SLIT3: variants seen among roughly 807,000 people sequenced by gnomAD.
SLIT3 encodes slit homolog 3 protein.
In SLIT3, 68 loss-of-function variants were observed where a neutral mutation model predicts 184.0. The observed-to-expected ratio is 0.37, with a 90% CI of 0.30 to 0.45. The LOEUF (loss-of-function observed/expected upper bound fraction) is 0.45, where lower values mean the gene tolerates loss of function less well. SLIT3 is among the 20% of genes least tolerant of loss of function. SLIT3 has a pLI of 1.00. For missense variants in SLIT3, 1,707 were observed against 2,026.0 expected, an observed-to-expected ratio of 0.84 and a Z score of 3.02; for synonymous variants, 831 against 828.6, an observed-to-expected ratio of 1.00 and a Z score of -0.05.
intron 23 of SLIT3, among the ~76,000 whole-genome samples, chr5:168,721,356 T>C (rs1350729505): frequency 6.6e-6 from 1 of 152,336 alleles, no homozygotes; most frequent in South Asian, 2.1e-4. Context: ...ATAAGAATAA[T>C]AACAAGTGAA....
At chr5:169,107,862 T>A (rs1408212136) in intron 4 of SLIT3, among the ~76,000 whole-genome samples, 1 of 152,186 alleles carries the variant, frequency 6.6e-6, no homozygotes, top group Non-Finnish European at 1.5e-5. Flanking sequence ...TTGGCTAACT[T>A]TCTTCTTCCT....
intron 4 of SLIT3, among the ~76,000 whole-genome samples, chr5:169,184,717 A>G (rs1207859800): frequency 6.6e-6 from 1 of 152,166 alleles, no homozygotes; most frequent in Non-Finnish European, 1.5e-5. Context: ...TTGTTTCTAT[A>G]TGCTAAGTTT....
intron 4 of SLIT3, among the ~76,000 whole-genome samples, chr5:169,078,652 A>T (rs536351375): frequency 3.4e-4 from 52 of 152,292 alleles, no homozygotes; most frequent in African/African-American, 1.2e-3. Context: ...TATGTCTAAA[A>T]TCAGAAAAAA....
chr5:169,254,504 C>T lies in SLIT3; in HGVS notation c.198-3045G>A, dbSNP rs79525469. Among the ~76,000 whole-genome samples the T allele has an allele frequency of 4.6e-3, 695 of 151,844 alleles. 27 individuals are homozygous for T. In the East Asian group the frequency reaches 0.1, roughly 22 times the overall value. On this transcript the variant is annotated intron_variant, in intron 1 of 35. Coordinates refer to ENST00000519560, the MANE Select transcript of SLIT3 (RefSeq NM_003062.4). The stretch of plus-strand genomic sequence containing the variant: ...TCTTTCTTTTTTTTTTTTAAATACA[C>T]TTGCTATCAAGAGATGGTGTCTATG...
chr5:168,671,165 C>G, intron 34 of SLIT3, 33 bp downstream of exon 34: 1 of 1,588,508 alleles, frequency 6.3e-7, no homozygotes, highest in Non-Finnish European at 8.6e-7. Flanking sequence ...TCTGGGAGCT[C>G]GAGCACACAG....
chr5:168,685,557 T>C, intron 31 of SLIT3, 130 bp downstream of exon 31: 1 of 1,231,892 alleles, frequency 8.1e-7, no homozygotes, highest in South Asian at 1.7e-5. Context: ...TTGGTCCAGA[T>C]GTCCTCAAGC....
At chr5:169,104,658 C>G (rs1760136805) in intron 4 of SLIT3, among the ~76,000 whole-genome samples, 1 of 152,078 alleles carries the variant, frequency 6.6e-6, no homozygotes, top group African/African-American at 2.4e-5. Flanking sequence ...TGGTCATGAG[C>G]TTTGGTGATT....
At chr5:168,996,060 A>G (rs1350295067) in intron 4 of SLIT3, among the ~76,000 whole-genome samples, 1 of 152,198 alleles carries the variant, frequency 6.6e-6, no homozygotes, top group Non-Finnish European at 1.5e-5. Context: ...CCACCATAGC[A>G]CTTAGCACGG....
At chr5:168,922,456 CAAAAAAAAAA>C (rs34132541) in intron 4 of SLIT3, among the ~76,000 whole-genome samples, 1 of 82,230 alleles carries the variant, frequency 1.2e-5, no homozygotes, top group Non-Finnish European at 2.3e-5. Flanking sequence ...GACTCTGTCT[CAAAAAAAAAA>C]AAAAAAAAAA....
intron 8 of SLIT3, among the ~76,000 whole-genome samples, chr5:168,807,052 T>C (rs373819460): frequency 1.3e-5 from 2 of 152,314 alleles, no homozygotes; most frequent in East Asian, 1.9e-4. Flanking sequence ...ATTTGCGGCA[T>C]TGATGTTGTC....
At chr5:169,215,199 G>A (rs1212369241) in intron 3 of SLIT3, among the ~76,000 whole-genome samples, 6 of 152,210 alleles carry the variant, frequency 3.9e-5, no homozygotes, top group Admixed American at 1.3e-4. Context: ...CAGCCATGAC[G>A]AACTTCCTTT....
At chr5:169,053,667 CCAACTCTATT>C (rs1053515000) in intron 4 of SLIT3, among the ~76,000 whole-genome samples, 2 of 152,170 alleles carry the variant, frequency 1.3e-5, no homozygotes, top group African/African-American at 4.8e-5. Flanking sequence ...CTCACTGAAT[CCAACTCTATT>C]CAACTCTGGA....
chr5:169,110,759 T>C (rs1356895390), intron 4 of SLIT3, among the ~76,000 whole-genome samples: 2 of 152,216 alleles, frequency 1.3e-5, no homozygotes, highest in African/African-American at 4.8e-5. Context: ...ACTATTGTAA[T>C]AGCTTCCTAA....
At chr5:168,909,995 C>T (rs1490395876) in intron 4 of SLIT3, among the ~76,000 whole-genome samples, 2 of 152,224 alleles carry the variant, frequency 1.3e-5, no homozygotes, top group Non-Finnish European at 2.9e-5. Flanking sequence ...TACAAATCTG[C>T]ATTTCTCTTC....
chr5:168,888,216 A>T (rs1760297005), intron 4 of SLIT3, among the ~76,000 whole-genome samples: 1 of 152,222 alleles, frequency 6.6e-6, no homozygotes, highest in African/African-American at 2.4e-5. Flanking sequence ...GCCCAATATG[A>T]TGGGGAACTC....
At chr5:168,680,737 G>A (rs1761561162) in intron 32 of SLIT3, among the ~76,000 whole-genome samples, 1 of 152,222 alleles carries the variant, frequency 6.6e-6, no homozygotes, top group African/African-American at 2.4e-5. Context: ...TTCCATGCAG[G>A]CTGATGGGGC....
At chr5:168,880,883 T>C (rs1463179936) in intron 5 of SLIT3, among the ~76,000 whole-genome samples, 2 of 152,232 alleles carry the variant, frequency 1.3e-5, no homozygotes, top group Non-Finnish European at 2.9e-5. Flanking sequence ...CCAACTTTCA[T>C]GTTGATTGGT....
intron 3 of SLIT3, 66 bp from the exon 4 acceptor site, chr5:169,193,616 C>T: frequency 2.6e-6 from 3 of 1,164,900 alleles, no homozygotes; most frequent in South Asian, 2.4e-5. Context: ...TATTCAGATA[C>T]CACTTTAATC....
intron 12 of SLIT3, among the ~76,000 whole-genome samples, chr5:168,782,829 G>C (rs1288882455): frequency 6.6e-6 from 1 of 152,130 alleles, no homozygotes; most frequent in African/African-American, 2.4e-5. Flanking sequence ...AAGACAATAA[G>C]GGTTGCTAGT....
Sources: gnomAD v4.1 joint callset for allele counts (sites outside exome capture counted in the v4.1 genomes callset) on GRCh38, gnomAD v4.1.1 for gene constraint, MANE v1.5 for transcripts, NCBI Gene and HGNC (gene_info 2026-07-23, HGNC 2026-07-21) for gene names.